The following TYRO3 variants were observed in gnomAD, a reference collection of about 807,000 sequenced individuals.
The protein encoded by TYRO3 is tyrosine-protein kinase receptor TYRO3.
A neutral mutation model predicts 95.2 loss-of-function variants in TYRO3; 38 were observed. That is an observed-to-expected ratio of 0.40 (90% confidence interval 0.31 to 0.52). TYRO3 has a LOEUF of 0.52. TYRO3 is among the 20% of genes least tolerant of loss of function. The pLI, the probability that TYRO3 is intolerant of heterozygous loss-of-function variation, is 0.56. For missense variants in TYRO3, 812 were observed against 1,116.4 expected, an observed-to-expected ratio of 0.73 and a Z score of 3.89; for synonymous variants, 367 against 432.9, an observed-to-expected ratio of 0.85 and a Z score of 1.89.
At position 41,571,075 on chromosome 15, in the gene TYRO3, A is replaced by G. The variant is rs765891558; in HGVS notation, c.1617A>G (p.Gln539=). 6.2e-7 allele frequency: 1 copy of G among 1,614,114 alleles called. No individual in the cohort carries two copies. The highest frequency in any genetic ancestry group is 8.5e-7 in the Non-Finnish European group (1 of 1,180,014). ...FGSVREAQLK[Q]EDGSFVKVAV... ...CAGTGCGGGAGGCCCAGCTGAAGCA[A>G]GAGGATGGCTCCTTTGTGAAAGTGG... Residue 539 remains glutamine, a synonymous_variant, in exon 13 of 19, where the codon CAA becomes CAG. Coordinates refer to ENST00000263798, the MANE Select transcript of TYRO3 (RefSeq NM_006293.4).
In TYRO3 at chr15:41,570,614, G is replaced by C; in HGVS notation, c.1494G>C (p.Leu498Phe). The change falls in exon 12 of 19, where the codon TTG becomes TTC. Residue 498 changes from leucine to phenylalanine, a missense_variant. Coordinates refer to ENST00000263798, the MANE Select transcript of TYRO3 (RefSeq NM_006293.4). Reference protein sequence around the residue: ...PERIEATLDSLGISDELKEKL... With the variant: ...PERIEATLDSFGISDELKEKL... ...ACCCTTTCCCCACAGTGGACAGCTTGGGCATCAGCGATGAACTAAAGGAAA... is the reference window on the plus strand; with the variant it reads ...ACCCTTTCCCCACAGTGGACAGCTTCGGCATCAGCGATGAACTAAAGGAAA... 1 of 1,614,108 alleles carries C rather than the reference G, an allele frequency of 6.2e-7. No individual in the cohort carries two copies. The highest frequency in any genetic ancestry group is 1.3e-5 in the African/African-American group (1 of 75,020).
At chr15:41,566,677 G>A (rs1362554136) in intron 6 of TYRO3, among the ~76,000 whole-genome samples, 1 of 152,210 alleles carries the variant, frequency 6.6e-6, no homozygotes, top group Non-Finnish European at 1.5e-5. Flanking sequence ...GGCCCCTCAT[G>A]GTGCAGACCT....
At chr15:41,566,317 T>A (rs1484695649) in intron 6 of TYRO3, among the ~76,000 whole-genome samples, 1 of 74,542 alleles carries the variant, frequency 1.3e-5, no homozygotes, top group Non-Finnish European at 2.5e-5. Flanking sequence ...ATCCTGTCTC[T>A]ATTAAAAAAA....
intron 4 of TYRO3, 60 bp from the exon 5 acceptor site, chr15:41,564,124 C>T (rs1595500002): frequency 6.7e-7 from 1 of 1,482,948 alleles, no homozygotes; most frequent in Non-Finnish European, 9.4e-7. Flanking sequence ...TTCCCCTTTC[C>T]CAGTCCCGCA....
chr15:41,569,297 T>TAAAAAAAAAAAAAAAAA (rs35205912), intron 9 of TYRO3, among the ~76,000 whole-genome samples: 1 of 138,560 alleles, frequency 7.2e-6, no homozygotes, highest in Non-Finnish European at 1.6e-5. Flanking sequence ...ACAAAAAAAT[T>TAAAAAAAAAAAAAAAAA]AAAAAAAAAA....
rs780582175 is a variant in TYRO3, at chr15:41,562,624, T to G, written c.486T>G (p.Ala162=). 387 of 1,613,896 alleles carry G rather than the reference T, an allele frequency of 2.4e-4. No homozygotes were observed. The highest frequency in any genetic ancestry group is 3.3e-4 in the Non-Finnish European group (384 of 1,180,046). Residue 162 remains alanine (A), a synonymous_variant, in exon 4 of 19, where the codon GCT becomes GCG. Coordinates refer to ENST00000263798, the MANE Select transcript of TYRO3 (RefSeq NM_006293.4). ...CCCCTTTCCAACTGTCTTGTGAGGC[T>G]GTGGGTCCCCCTGAACCTGTTACCA... ...PNAPFQLSCE[A]VGPPEPVTIV... is the part of the protein sequence containing the mutation.
chr15:41,573,322 T>C lies in TYRO3; in HGVS notation c.2000T>C (p.Met667Thr). The change falls in exon 17 of 19, where the codon ATG (methionine) becomes ACG (threonine). Residue 667 changes from methionine (M) to threonine (T), a missense_variant. Met to Thr is a moderately conservative substitution (Grantham distance 81). Transcript: ENST00000263798. ...AARNCMLAED[M>T]TVCVADFGLS... ...GCCCCTTGTAGGCTGGCAGAGGACA[T>C]GACAGTGTGTGTGGCTGACTTCGGA... 5.0e-6 allele frequency: 8 copies of C among 1,614,256 alleles called. No individual in the cohort carries two copies. Among genetic ancestry groups the C allele is most frequent in the Non-Finnish European group, 6.8e-6 (8 of 1,180,050 alleles).
Position 41,567,496 on chromosome 15 carries a change from C to T in TYRO3, c.920C>T (p.Ser307Phe). ...RVRCANALGP[S>F]PYADWVPFQT... ...CGCTGTGCCAATGCCTTGGGGCCCT[C>T]TCCCTATGCTGACTGGGTGCCCTTT... is the stretch of plus-strand genomic sequence containing the variant. The change falls in exon 7 of 19, where the codon TCT (serine) becomes TTT (phenylalanine). Residue 307 changes from serine (S) to phenylalanine (F), a missense_variant. Ser to Phe is a radical substitution (Grantham distance 155, BLOSUM62 -2). Transcript: ENST00000263798. The T allele has an allele frequency of 6.3e-7, 1 of 1,596,464 alleles. No individual in the cohort carries two copies. The highest frequency in any genetic ancestry group is 2.3e-5 in the East Asian group (1 of 42,938).
intron 4 of TYRO3, 114 bp from the exon 5 acceptor site, chr15:41,564,070 T>A: frequency 1.0e-6 from 1 of 992,528 alleles, no homozygotes; most frequent in Non-Finnish European, 1.6e-6. Context: ...AGCCCCTTCC[T>A]TTGGCAGGAG....
Position 41,561,315 on chromosome 15 carries a change from A to C in TYRO3, c.308+5A>C, listed in dbSNP as rs200744169. 1 of 1,606,676 alleles carries C rather than the reference A, an allele frequency of 6.2e-7. No individual in the cohort carries two copies. Among genetic ancestry groups the C allele is most frequent in the Non-Finnish European group, 8.5e-7 (1 of 1,175,046 alleles). On this transcript the variant is annotated splice_donor_5th_base_variant and intron_variant, in intron 2 of 18. Transcript: ENST00000263798. The stretch of plus-strand genomic sequence containing the variant: ...GCACTGGATCGGCTTCCTCAGGTGC[A>C]GGCCTGTGGGGGAAGGTGTGGGCTG...
Position 41,561,330 on chromosome 15 carries a change from G to A in TYRO3, c.308+20G>A. On this transcript the variant is annotated intron_variant, in intron 2 of 18. Transcript: ENST00000263798. ...CCTCAGGTGCAGGCCTGTGGGGGAA[G>A]GTGTGGGCTGCCAGCCAGGGGGCAG... 1 of 1,332,770 alleles carries A rather than the reference G, an allele frequency of 7.5e-7. No individual in the cohort carries two copies. Among genetic ancestry groups the A allele is most frequent in the Non-Finnish European group, 1.0e-6 (1 of 983,044 alleles). 82.6% of individuals were successfully genotyped at this position (1,332,770 alleles called of 1,614,324 possible).
chr15:41,574,687 C>T (rs540144852), intron 18 of TYRO3: 1 of 455,806 alleles, frequency 2.2e-6, no homozygotes, highest in African/African-American at 2.0e-5. Flanking sequence ...AAGCCAAGGG[C>T]TCCCTAGGCC....
chr15:41,578,628 T>TC lies in TYRO3; in HGVS notation c.*354dup. 1 of 346,394 alleles carries TC rather than the reference T, an allele frequency of 2.9e-6. No individual in the cohort carries two copies. Among genetic ancestry groups the TC allele is most frequent in the Non-Finnish European group, 5.2e-6 (1 of 190,952 alleles). The allele number at this position is 346,394 out of a possible 1,614,324, so 21.5% of individuals were successfully genotyped here. On this transcript the variant is annotated 3_prime_UTR_variant, in exon 19 of 19. Coordinates refer to ENST00000263798, the MANE Select transcript of TYRO3 (RefSeq NM_006293.4). Reference sequence around the variant, plus strand: ...AGGTCCAGCTCTGTGGGCCCTACCCTCCTGCTGAGCTGCCCCTGCTGCTTA... The same window carrying TC: ...AGGTCCAGCTCTGTGGGCCCTACCCTCCCTGCTGAGCTGCCCCTGCTGCTTA...
Position 41,582,543 on chromosome 15 carries a change from G to C in TYRO3, c.*4267G>C, listed in dbSNP as rs372880828. The C allele has an allele frequency of 2.6e-5, 4 of 151,700 alleles. No homozygotes were observed. Among genetic ancestry groups the C allele is most frequent in the Admixed American group, 1.3e-4 (2 of 15,220 alleles). 9.4% of individuals were successfully genotyped at this position (151,700 alleles called of 1,614,324 possible). A position where few individuals can be genotyped will look rare whatever the true frequency, so the allele number is the denominator to read the frequency against. On this transcript the variant is annotated 3_prime_UTR_variant, in exon 19 of 19. Coordinates refer to ENST00000263798, the MANE Select transcript of TYRO3 (RefSeq NM_006293.4). ...CGGAAAAAAAAAAAATTAGCTGGGC[G>C]TGCTGGTGGGTGCCTGTAATCCCAG... is the stretch of plus-strand genomic sequence containing the variant.
intron 9 of TYRO3, among the ~76,000 whole-genome samples, chr15:41,569,735 C>A (rs897592202): frequency 1.3e-5 from 2 of 152,232 alleles, no homozygotes; most frequent in Non-Finnish European, 2.9e-5. Context: ...CCCCTGCACT[C>A]TGGCCTGGGC....
chr15:41,573,864 T>C lies in TYRO3; in HGVS notation c.2282+49T>C, dbSNP rs753744282. ...CTGGAAGGAAAGGGGAATCTGGAGT[T>C]TTGGCTGATGGCTGCCACCACAGTT... On this transcript the variant is annotated intron_variant, in intron 18 of 18. Coordinates refer to ENST00000263798, the MANE Select transcript of TYRO3 (RefSeq NM_006293.4). 5.1e-6 allele frequency: 7 copies of C among 1,368,884 alleles called. No homozygotes were observed. The South Asian group carries it at 8.8e-5, about 17-fold the overall frequency. 84.8% of individuals were successfully genotyped at this position (1,368,884 alleles called of 1,614,324 possible).
In TYRO3 at chr15:41,578,155, T is replaced by A. The variant is rs1338639778; in HGVS notation, c.2552T>A (p.Leu851His). 1 of 1,613,872 alleles carries A rather than the reference T, an allele frequency of 6.2e-7. No homozygotes were observed. Among genetic ancestry groups the A allele is most frequent in the Non-Finnish European group, 8.5e-7 (1 of 1,180,010 alleles). ...ACTCCCAGTGACTGTCGGTACATAC[T>A]CACCCCCGGAGGGCTGGCTGAGCAG... Reference protein sequence around the residue: ...GGTPSDCRYILTPGGLAEQPG... With the variant: ...GGTPSDCRYIHTPGGLAEQPG... The change falls in exon 19 of 19, where the codon CTC becomes CAC. Residue 851 changes from leucine to histidine, a missense_variant. Transcript: ENST00000263798.
Position 41,578,432 on chromosome 15 carries a change from A to T in TYRO3, c.*156A>T. On this transcript the variant is annotated 3_prime_UTR_variant, in exon 19 of 19. Transcript: ENST00000263798. ...CTGGGAAGCCCGGACTGACCAAATC[A>T]CCCAATCCCAGTTCTTCCTGCAACC... is the stretch of plus-strand genomic sequence containing the variant. The T allele has an allele frequency of 1.0e-6, 1 of 976,828 alleles. No homozygotes were observed. The highest frequency in any genetic ancestry group is 1.5e-6 in the Non-Finnish European group (1 of 680,276). The allele number at this position is 976,828 out of a possible 1,614,324, so 60.5% of individuals were successfully genotyped here.
intron 3 of TYRO3, 79 bp downstream of exon 3, chr15:41,561,718 A>G: frequency 1.8e-6 from 2 of 1,118,054 alleles, no homozygotes; most frequent in Non-Finnish European, 2.6e-6. Flanking sequence ...GCAGCGGAGA[A>G]CTCAGTAGAA....
Sources: gnomAD v4.1 joint callset for allele counts (sites outside exome capture counted in the v4.1 genomes callset) on GRCh38, gnomAD v4.1.1 for gene constraint, MANE v1.5 for transcripts, NCBI Gene and HGNC (gene_info 2026-07-23, HGNC 2026-07-21) for gene names.